PRH1: variants seen among roughly 807,000 people sequenced by gnomAD.
PRH1 encodes proline rich protein HaeIII subfamily 1.
PRH1 carries 7 observed loss-of-function variants against 7.9 expected under a neutral mutation model. The observed-to-expected ratio is 0.89, with a 90% CI of 0.50 to 1.67. PRH1 has a LOEUF of 1.67. Among genes scored for constraint, PRH1 ranks in the 40% most tolerant of loss-of-function variants. The probability of loss-of-function intolerance (pLI) is 0.00; values close to 1 mark genes in which losing one functional copy is unlikely to be tolerated. For missense variants in PRH1, 109 were observed against 223.6 expected (o/e 0.49, Z 3.27); for synonymous variants, 45 against 80.8 (o/e 0.56, Z 2.38).
At chr12:11,099,473 C>A (rs1945167157) in intron 1 of PRH1, among the ~76,000 whole-genome samples, 1 of 152,030 alleles carries the variant, frequency 6.6e-6, no homozygotes. Context: ...CTGAGGAGGG[C>A]AGATCACGAG....
At chr12:10,953,632 A>G (rs562658555) in intron 2 of PRH1, among the ~76,000 whole-genome samples, 1 of 152,324 alleles carries the variant, frequency 6.6e-6, no homozygotes, top group Admixed American at 6.5e-5. Flanking sequence ...TAAATATATG[A>G]CTCATTGGCA....
At chr12:10,886,500 T>C (rs1224541721), upstream of PRH1, among the ~76,000 whole-genome samples, 1 of 152,132 alleles carries the variant, frequency 6.6e-6, no homozygotes, top group Admixed American at 6.5e-5. Context: ...TCAGCTATGC[T>C]CTCACTAGAC....
Position 11,096,350 on chromosome 12 carries a change from A to C in PRH1, n.124-49162T>G, listed in dbSNP as rs1402124255. Among the ~76,000 whole-genome samples, 4 of 115,740 alleles carry C rather than the reference A, an allele frequency of 3.5e-5. 2 individuals carry two copies. Among genetic ancestry groups the C allele is most frequent in the Non-Finnish European group, 8.2e-5 (4 of 48,954 alleles). The allele number at this position is 115,740 out of a possible 152,430, so 75.9% of individuals were successfully genotyped here. ...TTGTTAACGCTATTGGATTCTCAAAATTGATGACCCTTTTTTTTGTCTTAT... is the reference window on the plus strand; with the variant it reads ...TTGTTAACGCTATTGGATTCTCAAACTTGATGACCCTTTTTTTTGTCTTAT... On this transcript the variant is annotated intron_variant and non_coding_transcript_variant, in intron 1 of 4. Coordinates refer to the PRH1 transcript ENST00000541977.
At position 11,093,870 on chromosome 12, in the gene PRH1, G is replaced by C. The variant is rs1438959260; in HGVS notation, n.124-46682C>G. Among the ~76,000 whole-genome samples the C allele has an allele frequency of 2.6e-5, 3 of 114,362 alleles. 1 individual carries two copies. Among genetic ancestry groups the C allele is most frequent in the Non-Finnish European group, 6.2e-5 (3 of 48,652 alleles). The allele number at this position is 114,362 out of a possible 152,430, so 75.0% of individuals were successfully genotyped here. A position where few individuals can be genotyped will look rare whatever the true frequency, so the allele number is the denominator to read the frequency against. Reference sequence around the variant, plus strand: ...TTCTTCCTCTTTCCATTTACCATGAGAATATCGCCTGGCTAGTACACTGTT... The same window carrying C: ...TTCTTCCTCTTTCCATTTACCATGACAATATCGCCTGGCTAGTACACTGTT... On this transcript the variant is annotated intron_variant and non_coding_transcript_variant, in intron 1 of 4. Transcript: ENST00000541977.
At chr12:10,919,720 G>A (rs945848432) in intron 2 of PRH1, among the ~76,000 whole-genome samples, 1 of 151,590 alleles carries the variant, frequency 6.6e-6, no homozygotes, top group East Asian at 1.9e-4. Flanking sequence ...ACGTACGGAG[G>A]TTCCTATGTG....
chr12:11,061,243 T>G (rs1591922658), intron 1 of PRH1: 1 of 1,410,672 alleles, frequency 7.1e-7, no homozygotes, highest in East Asian at 2.3e-5. Flanking sequence ...AAGACTTTTC[T>G]AGGTACATGC....
At chr12:10,910,217 TA>T (rs1949876085) in intron 2 of PRH1, among the ~76,000 whole-genome samples, 1 of 152,200 alleles carries the variant, frequency 6.6e-6, no homozygotes, top group Non-Finnish European at 1.5e-5. Context: ...ATATACAATA[TA>T]TTTTTTTCCT....
At chr12:11,131,721 A>T (rs1431588919) in intron 1 of PRH1, among the ~76,000 whole-genome samples, 1 of 152,272 alleles carries the variant, frequency 6.6e-6, no homozygotes, top group Non-Finnish European at 1.5e-5. Context: ...TATTTCCCCT[A>T]AAATTGTGGA....
Position 10,883,055 on chromosome 12 carries a change from A to T in PRH1, c.100+6T>A. ...CAGAGTTTACTGAGAATTTATTGGG[A>T]TTTACCTGATATTACGAGGGGAACA... is the stretch of plus-strand genomic sequence containing the variant. On this transcript the variant is annotated splice_donor_region_variant and intron_variant, in intron 2 of 3. Transcript: ENST00000543626. The T allele has an allele frequency of 6.2e-7, 1 of 1,611,966 alleles. No homozygotes were observed. Among genetic ancestry groups the T allele is most frequent in the Non-Finnish European group, 8.5e-7 (1 of 1,178,040 alleles).
At chr12:11,048,707 T>C (rs1943013467), upstream of PRH1, 1 of 424,540 alleles carries the variant, frequency 2.4e-6, no homozygotes, top group Non-Finnish European at 4.5e-6. Context: ...GGTGTGACGT[T>C]TGCTGGCATG....
intron 1 of PRH1, among the ~76,000 whole-genome samples, chr12:11,032,957 T>C (rs1446422829): frequency 2.0e-5 from 3 of 152,154 alleles, no homozygotes; most frequent in Non-Finnish European, 2.9e-5. Flanking sequence ...TCTAGTACAC[T>C]GTTCCCAGAA....
chr12:10,906,540 G>A (rs1404194219), intron 2 of PRH1, among the ~76,000 whole-genome samples: 1 of 152,202 alleles, frequency 6.6e-6, no homozygotes, highest in Non-Finnish European at 1.5e-5. Flanking sequence ...TTGAATTGTA[G>A]CTCCCATAAT....
intron 1 of PRH1, among the ~76,000 whole-genome samples, chr12:11,155,648 G>A (rs1229790922): frequency 6.6e-6 from 1 of 151,908 alleles, no homozygotes; most frequent in African/African-American, 2.4e-5. Context: ...GCATTATGTT[G>A]ATAAAATGTA....
chr12:11,027,703 C>CAG (rs1420971087), intron 1 of PRH1, among the ~76,000 whole-genome samples: 1 of 152,158 alleles, frequency 6.6e-6, no homozygotes, highest in Non-Finnish European at 1.5e-5. Flanking sequence ...GCCACTGAGC[C>CAG]AGATGATCCA....
chr12:11,040,546 C>A (rs1565583634), intron 1 of PRH1, among the ~76,000 whole-genome samples: 1 of 152,156 alleles, frequency 6.6e-6, no homozygotes, highest in South Asian at 2.1e-4. Flanking sequence ...AGGGGAACAT[C>A]ACACACCTGG....
intron 1 of PRH1, chr12:11,092,372 G>T: frequency 6.2e-6 from 3 of 480,670 alleles, no homozygotes; most frequent in South Asian, 2.2e-5. Context: ...AGATGGTGTG[G>T]ACCCAAAGAG....
intron 1 of PRH1, among the ~76,000 whole-genome samples, chr12:11,162,002 A>T (rs1592128914): frequency 6.6e-6 from 1 of 152,220 alleles, no homozygotes. Context: ...ATTATGAGTG[A>T]TTTAATTAAA....
chr12:11,169,251 T>A (rs2416545), intron 1 of PRH1, among the ~76,000 whole-genome samples: 1 of 151,658 alleles, frequency 6.6e-6, no homozygotes, highest in Non-Finnish European at 1.5e-5. Context: ...AATATCACCC[T>A]CAGCAAAAGA....
chr12:10,905,589 C>T (rs1380536395), intron 2 of PRH1, among the ~76,000 whole-genome samples: 1 of 151,966 alleles, frequency 6.6e-6, no homozygotes, highest in Non-Finnish European at 1.5e-5. Flanking sequence ...TCGCTTGAAC[C>T]TGGGAGGTGG....
Sources: gnomAD v4.1 joint callset for allele counts (sites outside exome capture counted in the v4.1 genomes callset) on GRCh38, gnomAD v4.1.1 for gene constraint, MANE v1.5 for transcripts, NCBI Gene and HGNC (gene_info 2026-07-23, HGNC 2026-07-21) for gene names.